Variants in BST1 observed in about 807,000 individuals in gnomAD.
The protein encoded by BST1 is ADP-ribosyl cyclase/cyclic ADP-ribose hydrolase 2.
BST1 carries 49 observed loss-of-function variants against 40.6 expected under a neutral mutation model. The ratio of observed to expected loss-of-function variants is 1.21; its 90% CI spans 0.96 to 1.53. BST1 has a LOEUF of 1.53. Among genes scored for constraint, BST1 ranks in the 40% most tolerant of loss-of-function variants. The pLI is 0.00. For missense variants in BST1, 423 were observed against 395.9 expected (o/e 1.07, Z -0.58); for synonymous variants, 157 against 159.3 (o/e 0.99, Z 0.11).
chr4:15,706,159 A>T (rs1719873654), intron 2 of BST1, among the ~76,000 whole-genome samples: 1 of 152,232 alleles, frequency 6.6e-6, no homozygotes. Flanking sequence ...TTACAATTTT[A>T]CAAGAGACAC....
At chr4:15,703,578 GCACA>G in intron 1 of BST1, among the ~76,000 whole-genome samples, 1 of 142,688 alleles carries the variant, frequency 7.0e-6, no homozygotes, top group South Asian at 2.4e-4. Context: ...GTGTGTGCGC[GCACA>G]CACACACTGT....
intron 8 of BST1, among the ~76,000 whole-genome samples, chr4:15,726,793 C>T (rs1373044279): frequency 1.3e-5 from 2 of 152,028 alleles, no homozygotes; most frequent in Non-Finnish European, 2.9e-5. Flanking sequence ...CATCCTAGCA[C>T]CAGTGCCTTG....
At chr4:15,715,244 T>G in intron 4 of BST1, 41 bp from the exon 5 acceptor site, 1 of 1,571,534 alleles carries the variant, frequency 6.4e-7, no homozygotes, top group Non-Finnish European at 8.7e-7. Context: ...CAGAAAAATG[T>G]CACGTCTTTA....
chr4:15,742,697 C>T (rs1489790296), downstream of BST1, among the ~76,000 whole-genome samples: 1 of 152,188 alleles, frequency 6.6e-6, no homozygotes, highest in African/African-American at 2.4e-5. Context: ...GTACAGGAAA[C>T]ACTGATGAAG....
chr4:15,767,993 C>G, the BST1 span, among the ~76,000 whole-genome samples: 3 of 152,292 alleles, frequency 2.0e-5, no homozygotes, highest in African/African-American at 4.8e-5. Context: ...ACATGGTCAC[C>G]TTGGCACAAA....
At chr4:15,720,986 G>A (rs1245801185) in intron 7 of BST1, among the ~76,000 whole-genome samples, 1 of 152,134 alleles carries the variant, frequency 6.6e-6, no homozygotes, top group Non-Finnish European at 1.5e-5. Context: ...CCTCACGGCT[G>A]CCCTGGGTCT....
the BST1 span, among the ~76,000 whole-genome samples, chr4:15,769,848 GT>G: frequency 3.3e-3 from 495 of 148,238 alleles, 5 homozygotes; most frequent in African/African-American, 0.012. Context: ...GTAGTTTTTT[GT>G]TTTTTTTTTA....
chr4:15,703,115 G>C lies in BST1; in HGVS notation c.-30G>C. On this transcript the variant is annotated 5_prime_UTR_variant, in exon 1 of 9. Transcript: ENST00000265016. ...GAAGGAGAGAAGGGGAGTGGAGGAAGCACGGGACTGGAGGGACCAAAGTTC... is the reference window on the plus strand; with the variant it reads ...GAAGGAGAGAAGGGGAGTGGAGGAACCACGGGACTGGAGGGACCAAAGTTC... 2 of 1,554,614 alleles carry C rather than the reference G, an allele frequency of 1.3e-6. No individual in the cohort carries two copies. Among genetic ancestry groups the C allele is most frequent in the Non-Finnish European group, 1.7e-6 (2 of 1,156,562 alleles).
the BST1 span, among the ~76,000 whole-genome samples, chr4:15,770,452 C>T: frequency 1.3e-5 from 2 of 152,142 alleles, no homozygotes; most frequent in Admixed American, 1.3e-4. Context: ...CGTCTGTAAT[C>T]CCAGAACTTT....
In BST1 at chr4:15,707,853, C is replaced by CTCTG. The variant is rs1719971383; in HGVS notation, c.451+210_451+211insGTCT. Among the ~76,000 whole-genome samples the CTCTG allele has an allele frequency of 2.8e-5, 3 of 108,396 alleles. No homozygotes were observed. In the South Asian group the frequency reaches 9.1e-4, roughly 33 times the overall value. The allele number at this position is 108,396 out of a possible 152,430, so 71.1% of individuals were successfully genotyped here. A position where few individuals can be genotyped will look rare whatever the true frequency, so the allele number is the denominator to read the frequency against. On this transcript the variant is annotated intron_variant, in intron 3 of 8. Coordinates refer to ENST00000265016, the MANE Select transcript of BST1 (RefSeq NM_004334.3). ...CTAAGCACTCTCTCTCTCTCTCTCT[C>CTCTG]TCTATATATATATATATATATACAC...
chr4:15,705,481 G>A, intron 1 of BST1, 34 bp from the exon 2 acceptor site: 1 of 1,543,480 alleles, frequency 6.5e-7, no homozygotes. Context: ...TGATGTGCAT[G>A]TGTGTGTTCT....
the BST1 span, among the ~76,000 whole-genome samples, chr4:15,773,047 C>A: frequency 1.3e-5 from 2 of 152,192 alleles, no homozygotes; most frequent in African/African-American, 4.8e-5. Context: ...ACCAACCTGA[C>A]TGTGGTATAG....
chr4:15,737,710 AC>A, downstream of BST1: 2 of 1,053,850 alleles, frequency 1.9e-6, no homozygotes, highest in South Asian at 2.6e-5. Context: ...TGTCGTAGGT[AC>A]CAGGTACCTT....
the BST1 span, among the ~76,000 whole-genome samples, chr4:15,772,968 A>G: frequency 6.6e-6 from 1 of 152,148 alleles, no homozygotes; most frequent in African/African-American, 2.4e-5. Context: ...CCAGAGCAAG[A>G]GGGGAGGGAG....
the BST1 span, among the ~76,000 whole-genome samples, chr4:15,746,944 T>G: frequency 2.0e-5 from 3 of 152,188 alleles, no homozygotes; most frequent in Non-Finnish European, 4.4e-5. Flanking sequence ...CAGCTCAGAC[T>G]CTGTGATCAA....
intron 8 of BST1, among the ~76,000 whole-genome samples, chr4:15,724,213 T>C (rs1185139493): frequency 6.6e-6 from 1 of 152,192 alleles, no homozygotes; most frequent in African/African-American, 2.4e-5. Flanking sequence ...CCTTCCTCTT[T>C]GTGTTTCTCT....
chr4:15,747,580 G>A, the BST1 span, among the ~76,000 whole-genome samples: 2 of 152,308 alleles, frequency 1.3e-5, no homozygotes, highest in Middle Eastern at 6.8e-3. Flanking sequence ...TTGTCAGCGA[G>A]CTGTGTTATT....
chr4:15,723,057 GT>G (rs1245971790), intron 8 of BST1, 123 bp downstream of exon 8: 2 of 883,200 alleles, frequency 2.3e-6, no homozygotes, highest in Admixed American at 4.5e-5. Flanking sequence ...TTGGATTCTG[GT>G]TTGGCCTTAT....
At position 15,732,254 on chromosome 4, in the gene BST1, T is replaced by A; in HGVS notation, c.*409T>A. On this transcript the variant is annotated 3_prime_UTR_variant, in exon 9 of 9. Coordinates refer to ENST00000265016, the MANE Select transcript of BST1 (RefSeq NM_004334.3). ...AAGACATATGTATACTATATAAATG[T>A]ATGCATATATGGTCTGCAAAGTTTT... The A allele has an allele frequency of 2.8e-6, 1 of 356,374 alleles. No individual in the cohort carries two copies. The highest frequency in any genetic ancestry group is 3.9e-6 in the Non-Finnish European group (1 of 253,436). 22.1% of individuals were successfully genotyped at this position (356,374 alleles called of 1,614,324 possible).
Sources: allele counts gnomAD v4.1 joint callset (sites outside exome capture counted in the v4.1 genomes callset), GRCh38; gene constraint gnomAD v4.1.1; transcripts MANE v1.5; gene names NCBI Gene and HGNC (gene_info 2026-07-23, HGNC 2026-07-21).